The following CNTN5 variants were observed in gnomAD, a reference collection of about 807,000 sequenced individuals.
CNTN5 encodes contactin-5.
In CNTN5, 77 loss-of-function variants were observed where a neutral mutation model predicts 129.1. That is an observed-to-expected ratio of 0.60 (90% CI 0.50 to 0.72). CNTN5 has a LOEUF of 0.72. CNTN5 is among the 30% of genes least tolerant of loss of function. The pLI, the probability that CNTN5 is intolerant of heterozygous loss-of-function variation, is 0.00. For synonymous variants in CNTN5, 509 were observed against 465.6 expected (o/e 1.09, Z -1.20); for missense variants, 1,478 against 1,328.8 (o/e 1.11, Z -1.75).
intron 23 of CNTN5, among the ~76,000 whole-genome samples, chr11:100,345,134 A>C (rs1038629329): frequency 1.2e-4 from 19 of 152,278 alleles, no homozygotes; most frequent in Non-Finnish European, 2.5e-4. Context: ...ATTTATAAAA[A>C]ACAAAAATTT....
At chr11:99,382,845 CTTTTTTTT>C (rs1163660333) in intron 2 of CNTN5, among the ~76,000 whole-genome samples, 15 of 77,046 alleles carry the variant, frequency 1.9e-4, no homozygotes, top group South Asian at 1.7e-3. Context: ...CTCTAAATAA[CTTTTTTTT>C]TTTTTTTTTT....
intron 1 of CNTN5, among the ~76,000 whole-genome samples, chr11:99,220,097 G>A (rs1860325070): frequency 6.6e-6 from 1 of 151,896 alleles, no homozygotes; most frequent in African/African-American, 2.4e-5. Context: ...CAGCCACGTT[G>A]CAATTATGCA....
intron 8 of CNTN5, among the ~76,000 whole-genome samples, chr11:99,965,567 G>A (rs1384211939): frequency 6.6e-6 from 1 of 152,118 alleles, no homozygotes; most frequent in Non-Finnish European, 1.5e-5. Context: ...GCTGAGGAGT[G>A]CTTTACTTCC....
rs116716642 is a variant in CNTN5 at position 99,537,129 on chromosome 11, C to T, written c.-70-19016C>T. ...AAATAAGTTGTCCAAGTTTTAGCTA[C>T]TGGAAAAAGGAAGAGCTGAAATTCA... On this transcript the variant is annotated intron_variant, in intron 2 of 24. Coordinates refer to ENST00000524871, the MANE Select transcript of CNTN5 (RefSeq NM_014361.4). 1.6e-3 allele frequency among the ~76,000 whole-genome samples: 245 copies of T among 152,160 alleles called. 1 individual carries two copies. The highest frequency in any genetic ancestry group is 5.3e-3 in the African/African-American group (222 of 41,530).
At chr11:99,595,171 A>G (rs1302226485) in intron 3 of CNTN5, among the ~76,000 whole-genome samples, 1 of 152,146 alleles carries the variant, frequency 6.6e-6, no homozygotes, top group African/African-American at 2.4e-5. Flanking sequence ...ATAGCAAAGA[A>G]CAATGTACTG....
At chr11:99,489,116 T>C (rs1565225622) in intron 2 of CNTN5, among the ~76,000 whole-genome samples, 1 of 152,186 alleles carries the variant, frequency 6.6e-6, no homozygotes. Context: ...TTATTGCATT[T>C]GTACAATTGA....
At chr11:100,030,856 C>A (rs756668324) in intron 9 of CNTN5, among the ~76,000 whole-genome samples, 5 of 152,092 alleles carry the variant, frequency 3.3e-5, no homozygotes, top group Non-Finnish European at 7.4e-5. Flanking sequence ...ATTAATCATA[C>A]CTATATAGTG....
chr11:100,116,348 A>G (rs1290923637), intron 13 of CNTN5, among the ~76,000 whole-genome samples: 1 of 152,042 alleles, frequency 6.6e-6, no homozygotes, highest in Non-Finnish European at 1.5e-5. Flanking sequence ...TCGCCTTCAT[A>G]TTGATGTTAT....
At chr11:99,497,693 T>C (rs1205147078) in intron 2 of CNTN5, among the ~76,000 whole-genome samples, 3 of 152,144 alleles carry the variant, frequency 2.0e-5, no homozygotes, top group African/African-American at 7.2e-5. Context: ...TAGATATTCA[T>C]TGTTTGAAAT....
intron 1 of CNTN5, among the ~76,000 whole-genome samples, chr11:99,045,835 T>C (rs1209241313): frequency 6.6e-6 from 1 of 152,120 alleles, no homozygotes; most frequent in Non-Finnish European, 1.5e-5. Context: ...AGTGGTAACA[T>C]GGATGTAAAA....
At chr11:99,125,360 T>G (rs1360895536) in intron 1 of CNTN5, among the ~76,000 whole-genome samples, 1 of 147,980 alleles carries the variant, frequency 6.8e-6, no homozygotes, top group Non-Finnish European at 1.5e-5. Context: ...AAAAACCAGA[T>G]TATTTCAGTA....
At chr11:100,185,770 A>G (rs1436017720) in intron 13 of CNTN5, among the ~76,000 whole-genome samples, 1 of 152,168 alleles carries the variant, frequency 6.6e-6, no homozygotes, top group Non-Finnish European at 1.5e-5. Context: ...TCTCTCTGCC[A>G]CACATGTGCA....
chr11:99,202,076 G>GA (rs1319622953), intron 1 of CNTN5, among the ~76,000 whole-genome samples: 2 of 152,108 alleles, frequency 1.3e-5, no homozygotes, highest in Non-Finnish European at 2.9e-5. Context: ...GATCCTAATA[G>GA]AAAAATTTTA....
intron 6 of CNTN5, among the ~76,000 whole-genome samples, chr11:99,887,706 C>A (rs934147349): frequency 1.3e-5 from 2 of 152,194 alleles, no homozygotes; most frequent in African/African-American, 4.8e-5. Context: ...TGTAAGTACA[C>A]GAGTCGAAAA....
intron 2 of CNTN5, among the ~76,000 whole-genome samples, chr11:99,433,373 G>A (rs79367603): frequency 0.41 from 17,388 of 42,560 alleles, 1,196 homozygotes; most frequent in Non-Finnish European, 0.47. Context: ...AAAAAAAAAT[G>A]TGTGTGTGTG....
chr11:100,257,874 A>C (rs1950109966), intron 17 of CNTN5, among the ~76,000 whole-genome samples: 1 of 152,018 alleles, frequency 6.6e-6, no homozygotes, highest in Non-Finnish European at 1.5e-5. Flanking sequence ...AAACCAGAAC[A>C]CCTCTTCTCC....
intron 15 of CNTN5, among the ~76,000 whole-genome samples, chr11:100,203,799 T>TACTCACACACACAC (rs1948843014): frequency 7.2e-6 from 1 of 139,100 alleles, no homozygotes; most frequent in East Asian, 2.3e-4. Flanking sequence ...AATGTGCACG[T>TACTCACACACACAC]ACACACACAC....
chr11:99,499,635 C>A (rs1226615044), intron 2 of CNTN5, among the ~76,000 whole-genome samples: 1 of 152,098 alleles, frequency 6.6e-6, no homozygotes, highest in Non-Finnish European at 1.5e-5. Flanking sequence ...TCCATGTTGT[C>A]TCATAAAAAT....
chr11:99,804,631 A>C (rs1946214745), intron 3 of CNTN5, among the ~76,000 whole-genome samples: 1 of 151,396 alleles, frequency 6.6e-6, no homozygotes, highest in African/African-American at 2.4e-5. Context: ...TTGCAAAGTA[A>C]AATTCTTTAC....
Sources: gnomAD v4.1 joint callset for allele counts (sites outside exome capture counted in the v4.1 genomes callset) on GRCh38, gnomAD v4.1.1 for gene constraint, MANE v1.5 for transcripts, NCBI Gene and HGNC (gene_info 2026-07-23, HGNC 2026-07-21) for gene names.